The following GABRB1 variants were observed in gnomAD, a reference collection of about 807,000 sequenced individuals.
GABRB1 encodes gamma-aminobutyric acid type A receptor subunit beta1, also known as gamma-aminobutyric acid receptor subunit beta-1.
GABRB1 carries 17 observed loss-of-function variants against 51.6 expected under a neutral mutation model. That is an observed-to-expected ratio of 0.33 (90% CI 0.23 to 0.49). GABRB1 has a LOEUF of 0.49. Ranked by LOEUF, GABRB1 falls within the 20% of genes least tolerant of loss-of-function variation. The pLI, the probability that GABRB1 is intolerant of heterozygous loss-of-function variation, is 0.99. For missense variants in GABRB1, 410 were observed against 600.6 expected, an observed-to-expected ratio of 0.68 and a Z score of 3.32; for synonymous variants, 247 against 218.9, an observed-to-expected ratio of 1.13 and a Z score of -1.14.
At chr4:47,338,586 G>A (rs548503321) in intron 5 of GABRB1, among the ~76,000 whole-genome samples, 9 of 152,132 alleles carry the variant, frequency 5.9e-5, no homozygotes, top group Non-Finnish European at 1.2e-4. Flanking sequence ...CTGAAGACAC[G>A]TATTTCTCCC....
At chr4:47,110,224 C>G (rs1715159416) in intron 3 of GABRB1, among the ~76,000 whole-genome samples, 1 of 152,060 alleles carries the variant, frequency 6.6e-6, no homozygotes, top group African/African-American at 2.4e-5. Context: ...CACAGACCAT[C>G]ATCCCATCTT....
chr4:47,235,404 C>G (rs956131022), intron 4 of GABRB1, among the ~76,000 whole-genome samples: 1 of 152,142 alleles, frequency 6.6e-6, no homozygotes, highest in Non-Finnish European at 1.5e-5. Flanking sequence ...CAAAAATTAG[C>G]TGGGCGTGGT....
chr4:47,247,817 CT>C (rs1721824817), intron 4 of GABRB1, among the ~76,000 whole-genome samples: 1 of 152,036 alleles, frequency 6.6e-6, no homozygotes, highest in Admixed American at 6.6e-5. Flanking sequence ...TGATTCTCTG[CT>C]TGGTCGTTGT....
intron 3 of GABRB1, among the ~76,000 whole-genome samples, chr4:47,072,043 GAA>G (rs60313691): frequency 1.2e-3 from 166 of 140,728 alleles, no homozygotes; most frequent in African/African-American, 1.4e-3. Context: ...TCAGTTAAGG[GAA>G]AAAAAAAAAA....
intron 4 of GABRB1, among the ~76,000 whole-genome samples, chr4:47,168,983 A>T (rs1718323856): frequency 6.6e-6 from 1 of 152,080 alleles, no homozygotes; most frequent in Admixed American, 6.6e-5. Context: ...TAAGGACACC[A>T]GCCATCACCA....
chr4:47,302,699 C>G (rs1008110323), intron 4 of GABRB1, among the ~76,000 whole-genome samples: 2 of 151,922 alleles, frequency 1.3e-5, no homozygotes, highest in East Asian at 1.9e-4. Flanking sequence ...ATGATCTCTA[C>G]TAAAATGTAG....
intron 3 of GABRB1, among the ~76,000 whole-genome samples, chr4:47,134,961 A>G (rs73247648): frequency 0.25 from 37,599 of 152,068 alleles, 5,986 homozygotes; most frequent in Middle Eastern, 0.43. Context: ...TACTTAAAAA[A>G]TAAAATAAAA....
chr4:47,252,564 G>A (rs1722037660), intron 4 of GABRB1, among the ~76,000 whole-genome samples: 1 of 134,568 alleles, frequency 7.4e-6, no homozygotes, highest in South Asian at 2.5e-4. Flanking sequence ...CTGGAGTGTA[G>A]TGATGTGATC....
In GABRB1 at chr4:47,031,730, A is replaced by T; in HGVS notation, c.79A>T (p.Ser27Cys). The T allele has an allele frequency of 6.2e-7, 1 of 1,611,892 alleles. No individual in the cohort carries two copies. Among genetic ancestry groups the T allele is most frequent in the Admixed American group, 1.7e-5 (1 of 59,982 alleles). The change falls in exon 1 of 9, where the codon AGC becomes TGC. Residue 27 changes from serine (S) to cysteine (C), a missense_variant and splice_region_variant. Physicochemically the swap from Ser to Cys is moderately radical, Grantham distance 112 (BLOSUM62 -1). This residue lies in a region of GABRB1 where 56 missense variants were observed against 54.8 expected (regional missense o/e 1.02). Transcript: ENST00000295454. ...GATTACCATGGTCTGTTGTGCACAC[A>T]GGTGAGCTGCTGTTGTTGAATCTCG... ...VMITMVCCAH[S>C]TNEPSNMSYV...
chr4:47,092,396 C>T (rs1728348293), intron 3 of GABRB1, among the ~76,000 whole-genome samples: 1 of 151,498 alleles, frequency 6.6e-6, no homozygotes, highest in South Asian at 2.1e-4. Context: ...TCGTCTCGAA[C>T]CCCTGACTTA....
intron 5 of GABRB1, among the ~76,000 whole-genome samples, chr4:47,350,208 T>TAGACAG (rs1352652990): frequency 1.1e-5 from 1 of 91,914 alleles, no homozygotes; most frequent in African/African-American, 4.7e-5. Context: ...TATATATATA[T>TAGACAG]ATATATATAT....
chr4:47,226,353 G>C (rs1393087604), intron 4 of GABRB1, among the ~76,000 whole-genome samples: 3 of 152,112 alleles, frequency 2.0e-5, no homozygotes, highest in Non-Finnish European at 4.4e-5. Flanking sequence ...CCTAGTTTTA[G>C]CTACCCATGA....
intron 5 of GABRB1, among the ~76,000 whole-genome samples, chr4:47,363,392 C>G (rs982577316): frequency 6.6e-6 from 1 of 151,896 alleles, no homozygotes; most frequent in Non-Finnish European, 1.5e-5. Context: ...TTGTATGTGT[C>G]GGTTATGGGG....
At chr4:47,165,401 C>T (rs745370625) in intron 4 of GABRB1, among the ~76,000 whole-genome samples, 1 of 152,014 alleles carries the variant, frequency 6.6e-6, no homozygotes, top group Non-Finnish European at 1.5e-5. Flanking sequence ...CTTCTACTGC[C>T]TCACTACACA....
At chr4:47,268,434 G>GTA (rs1722724904) in intron 4 of GABRB1, among the ~76,000 whole-genome samples, 1 of 152,160 alleles carries the variant, frequency 6.6e-6, no homozygotes, top group Non-Finnish European at 1.5e-5. Context: ...AAAGAGAAGG[G>GTA]TAGGGGATGC....
At chr4:47,032,161 C>CACACACACA (rs71193897) in intron 2 of GABRB1, among the ~76,000 whole-genome samples, 156 bp downstream of exon 2, 1 of 141,802 alleles carries the variant, frequency 7.1e-6, no homozygotes, top group Non-Finnish European at 1.5e-5. Context: ...CACACACACA[C>CACACACACA]CCCGGGTCCC....
At chr4:47,020,207 T>C (rs1427181111) in intron 1 of GABRB1, among the ~76,000 whole-genome samples, 1 of 152,126 alleles carries the variant, frequency 6.6e-6, no homozygotes, top group Non-Finnish European at 1.5e-5. Flanking sequence ...TATAAAGACA[T>C]CAATCATATT....
intron 3 of GABRB1, among the ~76,000 whole-genome samples, chr4:47,076,169 G>A (rs1187169075): frequency 6.6e-6 from 1 of 152,132 alleles, no homozygotes; most frequent in Non-Finnish European, 1.5e-5. Flanking sequence ...CAGCAGCATT[G>A]GCTAGGACCC....
intron 5 of GABRB1, among the ~76,000 whole-genome samples, chr4:47,339,711 GGC>G (rs1725815513): frequency 6.6e-6 from 1 of 152,034 alleles, no homozygotes; most frequent in Non-Finnish European, 1.5e-5. Flanking sequence ...GTTAGAAAGT[GGC>G]GAAGCCCAGA....
Sources: gnomAD v4.1 joint callset for allele counts (sites outside exome capture counted in the v4.1 genomes callset) on GRCh38, gnomAD v4.1.1 for gene constraint, gnomAD v4.1.1 regional missense constraint, MANE v1.5 for transcripts, NCBI Gene and HGNC (gene_info 2026-07-23, HGNC 2026-07-21) for gene names.